Variants in SCARF2 observed in about 807,000 individuals in gnomAD.
SCARF2 encodes scavenger receptor expressed by endothelial cells 2 protein.
Under a neutral mutation model 73.4 loss-of-function variants are expected in SCARF2, and 39 were observed. The ratio of observed to expected loss-of-function variants is 0.53; its 90% CI spans 0.41 to 0.69. The LOEUF is 0.69. Ranked by LOEUF, SCARF2 falls within the 30% of genes least tolerant of loss-of-function variation. SCARF2 has a pLI of 0.00. For synonymous variants in SCARF2, 605 were observed against 590.0 expected (o/e 1.03, Z -0.37); for missense variants, 1,148 against 1,303.5 (o/e 0.88, Z 1.84).
In SCARF2 at chr22:20,425,352, G is replaced by T; in HGVS notation, c.*23C>A. 1 of 1,374,564 alleles carries T rather than the reference G, an allele frequency of 7.3e-7. No individual in the cohort carries two copies. Among genetic ancestry groups the T allele is most frequent in the South Asian group, 1.6e-5 (1 of 63,248 alleles). The allele number at this position is 1,374,564 out of a possible 1,614,324, so 85.1% of individuals were successfully genotyped here. The stretch of plus-strand genomic sequence containing the variant: ...GCGGCGCTGCGAAGCTGAGGGAGCT[G>T]CGCGCGGACGAGCCACAGCCTGCTA... On this transcript the variant is annotated 3_prime_UTR_variant, in exon 11 of 11. Transcript: ENST00000622235. This position sits in a 1 kb window ranked among gnomAD's most constrained non-coding sequence, Gnocchi z 4.6.
At position 20,429,818 on chromosome 22, in the gene SCARF2, G is replaced by A. The variant is rs766288090; in HGVS notation, c.1218C>T (p.Cys406=). The A allele has an allele frequency of 3.7e-6, 6 of 1,612,774 alleles. No homozygotes were observed. Among genetic ancestry groups the A allele is most frequent in the Admixed American group, 1.7e-5 (1 of 59,964 alleles). Residue 406 remains cysteine (C), a synonymous_variant, in exon 7 of 11, where the codon TGC becomes TGT. Transcript: ENST00000622235. The surrounding 1 kb of genome is among the most constrained non-coding windows in gnomAD (Gnocchi z 5.2). ...AGTCCGCGCCGTGGAGTCCGGGCGG[G>A]CACGTCACGTTACAGCTGCCGGGAC... is the stretch of plus-strand genomic sequence containing the variant. ...GVHGPHCNVT[C]PPGLHGADCA...
chr22:20,425,754 G>A lies in SCARF2; in HGVS notation c.2222C>T (p.Ala741Val). 4.6e-6 allele frequency: 6 copies of A among 1,290,528 alleles called. No homozygotes were observed. Among genetic ancestry groups the A allele is most frequent in the Non-Finnish European group, 5.9e-6 (6 of 1,025,098 alleles). The allele number at this position is 1,290,528 out of a possible 1,614,324, so 79.9% of individuals were successfully genotyped here. A position where few individuals can be genotyped will look rare whatever the true frequency, so the allele number is the denominator to read the frequency against. ...TALAAPSPPR[A>V]RARGRGPGLL... ...GCCGGGGCCGCGGCCCCGCGCTCGG[G>A]CCCTGGGCGGCGAGGGCGCAGCGAG... is the stretch of plus-strand genomic sequence containing the variant. The change falls in exon 11 of 11, where the codon GCC becomes GTC. Residue 741 changes from alanine to valine, a missense_variant. Ala to Val is a moderately conservative substitution (Grantham distance 64). Coordinates refer to ENST00000622235, the MANE Select transcript of SCARF2 (RefSeq NM_182895.5). This position sits in a 1 kb window ranked among gnomAD's most constrained non-coding sequence, Gnocchi z 4.6.
intron 1 of SCARF2, among the ~76,000 whole-genome samples, chr22:20,437,180 C>T (rs1017678070): frequency 6.6e-6 from 1 of 152,268 alleles, no homozygotes; most frequent in Non-Finnish European, 1.5e-5. Flanking sequence ...TTCCTCCTCA[C>T]TCCCACTCCC....
intron 9 of SCARF2, among the ~76,000 whole-genome samples, chr22:20,428,990 A>T (rs911903761): frequency 1.3e-5 from 2 of 152,028 alleles, no homozygotes; most frequent in African/African-American, 4.8e-5. Context: ...AACGTTTCTG[A>T]CATATGCCCA....
At chr22:20,435,765 T>C (rs1228359720) in intron 1 of SCARF2, among the ~76,000 whole-genome samples, 2 of 152,258 alleles carry the variant, frequency 1.3e-5, no homozygotes, top group Non-Finnish European at 2.9e-5. Flanking sequence ...CAGCTCTTGC[T>C]AGATGTCTAG....
In SCARF2 at chr22:20,429,625, G is replaced by T; in HGVS notation, c.1335C>A (p.Gly445=). The stretch of plus-strand genomic sequence containing the variant: ...CGAGCAGGACGAGCAGCGCGCCCGC[G>T]CCCATCACGCCCTTGCGCTGGTTGG... ...LETNQRKGVM[G]AGALLVLLVC... is the part of the protein sequence containing the mutation. Residue 445 remains glycine, a synonymous_variant, in exon 8 of 11, where the codon GGC becomes GGA. Coordinates refer to ENST00000622235, the MANE Select transcript of SCARF2 (RefSeq NM_182895.5). This position sits in a 1 kb window ranked among gnomAD's most constrained non-coding sequence, Gnocchi z 5.2. 4.3e-6 allele frequency: 7 copies of T among 1,613,834 alleles called. No homozygotes were observed. The highest frequency in any genetic ancestry group is 5.9e-6 in the Non-Finnish European group (7 of 1,179,934).
Position 20,427,061 on chromosome 22 carries a change from A to C in SCARF2, c.1693+337T>G, listed in dbSNP as rs147438789. Among the ~76,000 whole-genome samples the C allele has an allele frequency of 4.5e-3, 690 of 152,316 alleles. 3 individuals carry two copies. Among genetic ancestry groups the C allele is most frequent in the Middle Eastern group, 0.017 (5 of 294 alleles). Reference sequence around the variant, plus strand: ...GGCTCCTTTCTGCTATCTGTGGATCAAAGGCTGTGTGTGGATCCAACTCCC... The same window carrying C: ...GGCTCCTTTCTGCTATCTGTGGATCCAAGGCTGTGTGTGGATCCAACTCCC... On this transcript the variant is annotated intron_variant, in intron 10 of 10. Transcript: ENST00000622235.
Position 20,430,767 on chromosome 22 carries a change from C to A in SCARF2, c.996G>T (p.Pro332=). 6.2e-7 allele frequency: 1 copy of A among 1,606,864 alleles called. No homozygotes were observed. Among genetic ancestry groups the A allele is most frequent in the Middle Eastern group, 1.7e-4 (1 of 6,048 alleles). ...FYGEGCSHRC[P]PCRDGHACNH... ...TACAGGCATGCCCGTCGCGGCATGG[C>A]GGACAGCGGTGGCTGCAGCCCTCGC... The change falls in exon 5 of 11, where the codon CCG becomes CCT. Residue 332 remains proline, a synonymous_variant. Transcript: ENST00000622235.
At position 20,425,729 on chromosome 22, in the gene SCARF2, G is replaced by A; in HGVS notation, c.2247C>T (p.Gly749=). Residue 749 remains glycine, a synonymous_variant, in exon 11 of 11, where the codon GGC becomes GGT. Coordinates refer to ENST00000622235, the MANE Select transcript of SCARF2 (RefSeq NM_182895.5). The surrounding 1 kb of genome is among the most constrained non-coding windows in gnomAD (Gnocchi z 4.6). ...CGCCGGCGTCCGTGGGCTCCAAGAG[G>A]CCGGGGCCGCGGCCCCGCGCTCGGG... ...PRARARGRGP[G]LLEPTDAGGP... 1 of 1,231,896 alleles carries A rather than the reference G, an allele frequency of 8.1e-7. No individual in the cohort carries two copies. The highest frequency in any genetic ancestry group is 1.0e-6 in the Non-Finnish European group (1 of 991,042). The allele number at this position is 1,231,896 out of a possible 1,614,324, so 76.3% of individuals were successfully genotyped here.
In SCARF2 at chr22:20,426,181, C is replaced by G. The variant is rs552200212; in HGVS notation, c.1795G>C (p.Ala599Pro). Residue 599 changes from alanine to proline, a missense_variant, in exon 11 of 11, where the codon GCG becomes CCG. By Grantham distance (27) the Ala-to-Pro change is conservative. This residue lies in a region of SCARF2 where 437 missense variants were observed against 433.6 expected (regional missense o/e 1.01). Transcript: ENST00000622235. ...TCGGAGGACGCGGGGAGGGGTATCGCCTCCTCGGCGGAGGCTGGCGTGGTC... is the reference window on the plus strand; with the variant it reads ...TCGGAGGACGCGGGGAGGGGTATCGGCTCCTCGGCGGAGGCTGGCGTGGTC... The part of the protein sequence containing the change: ...PLTTPASAEE[A>P]IPLPASSDSE... 7.6e-5 allele frequency: 115 copies of G among 1,508,814 alleles called. No individual in the cohort carries two copies. In the African/African-American group the frequency reaches 1.5e-3, roughly 20 times the overall value. 93.5% of individuals were successfully genotyped at this position (1,508,814 alleles called of 1,614,324 possible).
chr22:20,428,163 C>A (rs1437081186), intron 9 of SCARF2, among the ~76,000 whole-genome samples: 1 of 152,166 alleles, frequency 6.6e-6, no homozygotes, highest in African/African-American at 2.4e-5. Context: ...GGTTTTCTCT[C>A]TCTTGCTTGC....
rs1481182902 is a variant in SCARF2, at chr22:20,426,026, C to T, written c.1950G>A (p.Glu650=). 6.3e-7 allele frequency: 1 copy of T among 1,580,060 alleles called. No individual in the cohort carries two copies. The highest frequency in any genetic ancestry group is 2.4e-5 in the East Asian group (1 of 42,064). Residue 650 remains glutamate (E), a synonymous_variant, in exon 11 of 11, where the codon GAG becomes GAA. Coordinates refer to ENST00000622235, the MANE Select transcript of SCARF2 (RefSeq NM_182895.5). ...GGTCAGGTGGCGGCGGTTTCCTGCG[C>T]TCGGGCGATGGCGACAGCGACAGGC... ...IGGLSLSPSP[E]RRKPPPPDPA...
In SCARF2 at chr22:20,426,102, C is replaced by A. The variant is rs955751994; in HGVS notation, c.1874G>T (p.Arg625Leu). 1 of 1,494,040 alleles carries A rather than the reference C, an allele frequency of 6.7e-7. No individual in the cohort carries two copies. The allele number at this position is 1,494,040 out of a possible 1,614,324, so 92.5% of individuals were successfully genotyped here. Residue 625 changes from arginine to leucine, a missense_variant, in exon 11 of 11, where the codon CGC becomes CTC. Around this residue, in one of 5 missense-constraint regions of SCARF2, gnomAD observed 437 missense variants for 433.6 expected, o/e 1.01. Transcript: ENST00000622235. ...CGGCCGGGCCTCGCGTCGGGCCACG[C>A]GCGCGTACAGAGCCCCTCCGGGCCC... is the stretch of plus-strand genomic sequence containing the variant. The part of the protein sequence containing the change: ...VEGPGGALYA[R>L]VARREARPAR...
Position 20,431,966 on chromosome 22 carries a change from C to T in SCARF2, c.196G>A (p.Ala66Thr). ...TCGTCCCCTTGCTGCCTCCAGCCAG[C>T]GCAGCACGTGGGCACCTGGGAGCTG... is the stretch of plus-strand genomic sequence containing the variant. The part of the protein sequence containing the change: ...APGSQVPTCC[A>T]GWRQQGDECG... The change falls in exon 2 of 11, where the codon GCT becomes ACT. Residue 66 changes from alanine (A) to threonine (T), a missense_variant. This residue lies in a region of SCARF2 where 124 missense variants were observed against 120.4 expected (regional missense o/e 1.03). Coordinates refer to ENST00000622235, the MANE Select transcript of SCARF2 (RefSeq NM_182895.5). 3 of 1,611,436 alleles carry T rather than the reference C, an allele frequency of 1.9e-6. No homozygotes were observed. Among genetic ancestry groups the T allele is most frequent in the Non-Finnish European group, 2.5e-6 (3 of 1,179,614 alleles).
Position 20,430,754 on chromosome 22 carries a change from C to A in SCARF2, c.1009G>T (p.Gly337Trp). 6.2e-7 allele frequency: 1 copy of A among 1,607,946 alleles called. No individual in the cohort carries two copies. The change falls in exon 5 of 11, where the codon GGG (glycine) becomes TGG (tryptophan). Residue 337 changes from glycine to tryptophan, a missense_variant. Physicochemically the swap from Gly to Trp is radical, Grantham distance 184. This residue lies in a region of SCARF2 where 372 missense variants were observed against 532.0 expected (regional missense o/e 0.70). Transcript: ENST00000622235. ...CSHRCPPCRD[G>W]HACNHVTGKC... ...CCGGTGACATGGTTACAGGCATGCCCGTCGCGGCATGGCGGACAGCGGTGG... is the reference window on the plus strand; with the variant it reads ...CCGGTGACATGGTTACAGGCATGCCAGTCGCGGCATGGCGGACAGCGGTGG...
chr22:20,425,413 C>A lies in SCARF2; in HGVS notation c.2563G>T (p.Ala855Ser). Reference protein sequence around the residue: ...KPPRKKSREAAGELGRAGAPT... With the variant: ...KPPRKKSREASGELGRAGAPT... ...GCGCCCGCCCTGCCCAGCTCGCCCG[C>A]CGCCTCCCGGCTCTTCTTGCGCGGC... is the stretch of plus-strand genomic sequence containing the variant. Residue 855 changes from alanine (A) to serine (S), a missense_variant, in exon 11 of 11, where the codon GCG becomes TCG. By Grantham distance (99) the Ala-to-Ser change is moderately conservative. Around this residue, in one of 5 missense-constraint regions of SCARF2, gnomAD observed 169 missense variants for 136.9 expected, o/e 1.23. Transcript: ENST00000622235. The surrounding 1 kb of genome is among the most constrained non-coding windows in gnomAD (Gnocchi z 4.6). 7.0e-7 allele frequency: 1 copy of A among 1,431,592 alleles called. No homozygotes were observed. The highest frequency in any genetic ancestry group is 9.2e-7 in the Non-Finnish European group (1 of 1,090,136). The allele number at this position is 1,431,592 out of a possible 1,614,324, so 88.7% of individuals were successfully genotyped here.
chr22:20,436,343 C>CA (rs924974867), intron 1 of SCARF2, among the ~76,000 whole-genome samples: 1 of 152,160 alleles, frequency 6.6e-6, no homozygotes, highest in Admixed American at 6.5e-5. Context: ...AGTGAGTAGA[C>CA]AGAGACCACG....
Position 20,425,030 on chromosome 22 carries a change from C to G in SCARF2, c.*345G>C, listed in dbSNP as rs550942897. 1 of 259,846 alleles carries G rather than the reference C, an allele frequency of 3.8e-6. No homozygotes were observed. The highest frequency in any genetic ancestry group is 2.2e-5 in the African/African-American group (1 of 45,326). 16.1% of individuals were successfully genotyped at this position (259,846 alleles called of 1,614,324 possible). ...GCAACCAATGAGAAGGTAGCCCTAA[C>G]CAAGTCCACTCCTGGCCAGTAAGAG... On this transcript the variant is annotated 3_prime_UTR_variant, in exon 11 of 11. Coordinates refer to ENST00000622235, the MANE Select transcript of SCARF2 (RefSeq NM_182895.5). This position sits in a 1 kb window ranked among gnomAD's most constrained non-coding sequence, Gnocchi z 4.6.
In SCARF2 at chr22:20,437,650, C is replaced by G; in HGVS notation, c.105G>C (p.Trp35Cys). 6.5e-7 allele frequency: 1 copy of G among 1,548,822 alleles called. No individual in the cohort carries two copies. The highest frequency in any genetic ancestry group is 8.7e-7 in the Non-Finnish European group (1 of 1,154,600). The change falls in exon 1 of 11, where the codon TGG becomes TGC. Residue 35 changes from tryptophan to cysteine, a missense_variant. Transcript: ENST00000622235. ...GAGGCGCCACGGTGTCCGGCAGCAT[C>G]CAGAGCAGCAGCAGCAGCAGCAGCG... is the stretch of plus-strand genomic sequence containing the variant. The part of the protein sequence containing the change: ...LPSLLLLLLL[W>C]MLPDTVAPQE...
Sources: allele counts gnomAD v4.1 joint callset (sites outside exome capture counted in the v4.1 genomes callset), GRCh38; gene constraint gnomAD v4.1.1; regional missense constraint gnomAD v4.1.1; non-coding constraint Gnocchi (gnomAD v3.1); transcripts MANE v1.5; gene names NCBI Gene and HGNC (gene_info 2026-07-23, HGNC 2026-07-21).